The following CNPY3 variants were observed in gnomAD, a reference collection of about 807,000 sequenced individuals.
CNPY3 encodes canopy FGF signaling regulator 3.
Under a neutral mutation model 32.0 loss-of-function variants are expected in CNPY3, and 20 were observed. That is an observed-to-expected ratio of 0.63 (90% CI 0.44 to 0.91). The LOEUF (loss-of-function observed/expected upper bound fraction) is 0.91. Ranked by LOEUF, CNPY3 falls within the 40% of genes least tolerant of loss-of-function variation. CNPY3 has a pLI of 0.00. For missense variants in CNPY3, 299 were observed against 340.8 expected (o/e 0.88, Z 0.97); for synonymous variants, 138 against 142.9 (o/e 0.97, Z 0.24).
Position 42,939,067 on chromosome 6 carries a change from G to A in CNPY3, c.*276G>A, listed in dbSNP as rs1485615112. The A allele has an allele frequency of 8.1e-7, 1 of 1,227,906 alleles. No individual in the cohort carries two copies. Among genetic ancestry groups the A allele is most frequent in the Non-Finnish European group, 1.0e-6 (1 of 981,134 alleles). The allele number at this position is 1,227,906 out of a possible 1,614,324, so 76.1% of individuals were successfully genotyped here. On this transcript the variant is annotated 3_prime_UTR_variant, in exon 6 of 6. Coordinates refer to ENST00000372836, the MANE Select transcript of CNPY3 (RefSeq NM_006586.5). ...CTGCAAGGACTCCAGTGTGAACTCA[G>A]GAGGGGCAGGTGTCAGAACTGGGCA...
upstream of CNPY3, among the ~76,000 whole-genome samples, chr6:42,928,135 G>T (rs1317549786): frequency 6.6e-6 from 1 of 151,750 alleles, no homozygotes; most frequent in East Asian, 1.9e-4. Flanking sequence ...TTACAGGCGT[G>T]TGCCACCACG....
At chr6:42,928,161 G>A (rs1767515659), upstream of CNPY3, among the ~76,000 whole-genome samples, 1 of 151,526 alleles carries the variant, frequency 6.6e-6, no homozygotes, top group Non-Finnish European at 1.5e-5. Flanking sequence ...CTAACTTTTT[G>A]TATCTTTAGT....
At chr6:42,931,152 A>G (rs980792483) in intron 1 of CNPY3, among the ~76,000 whole-genome samples, 1 of 151,516 alleles carries the variant, frequency 6.6e-6, no homozygotes, top group Non-Finnish European at 1.5e-5. Flanking sequence ...GGGCTCCCAC[A>G]GTGCTGGGCT....
intron 1 of CNPY3, among the ~76,000 whole-genome samples, chr6:42,933,205 GC>G (rs1354358573): frequency 1.3e-5 from 2 of 149,836 alleles, no homozygotes; most frequent in African/African-American, 5.1e-5. Flanking sequence ...GGGCAGAGAA[GC>G]CCTTAGAAGG....
At chr6:42,938,273 G>A (rs1768374331) in intron 5 of CNPY3, 66 bp downstream of exon 5, 5 of 1,260,874 alleles carry the variant, frequency 4.0e-6, no homozygotes, top group Non-Finnish European at 3.5e-6. Context: ...TGGGGGAGGT[G>A]GGTAGGAGGA....
chr6:42,929,793 C>T, intron 1 of CNPY3, 72 bp downstream of exon 1: 3 of 1,470,760 alleles, frequency 2.0e-6, no homozygotes, highest in Non-Finnish European at 2.7e-6. Flanking sequence ...TGCGGAGCAG[C>T]GTCGGGGGTT....
chr6:42,935,915 C>T (rs1484349320), intron 3 of CNPY3, among the ~76,000 whole-genome samples: 3 of 151,546 alleles, frequency 2.0e-5, no homozygotes, highest in Non-Finnish European at 2.9e-5. Flanking sequence ...CAGAAATGCT[C>T]CACAGTTGCT....
Position 42,929,794 on chromosome 6 carries a change from G to C in CNPY3, c.151+73G>C, listed in dbSNP as rs530247769. On this transcript the variant is annotated intron_variant, in intron 1 of 5. Transcript: ENST00000372836. ...CCAGCGGTGGTGCTTGCGGAGCAGC[G>C]TCGGGGGTTGCAAGGTTCCGAGCTC... The C allele has an allele frequency of 8.8e-3, 12,946 of 1,467,878 alleles. 65 individuals carry two copies. The highest frequency in any genetic ancestry group is 0.012 in the Middle Eastern group (50 of 4,098). The allele number at this position is 1,467,878 out of a possible 1,614,324, so 90.9% of individuals were successfully genotyped here. A position where few individuals can be genotyped will look rare whatever the true frequency, so the allele number is the denominator to read the frequency against.
intron 2 of CNPY3, chr6:42,935,302 A>T: frequency 2.3e-6 from 1 of 444,246 alleles, no homozygotes; most frequent in Non-Finnish European, 3.0e-6. Flanking sequence ...TACTATCAAA[A>T]TTTAATAATT....
rs778069363 is a variant in CNPY3 at position 42,938,811 on chromosome 6, T to C, written c.*20T>C. On this transcript the variant is annotated 3_prime_UTR_variant, in exon 6 of 6. Transcript: ENST00000372836. ...CTCTGAGCCCACCCAGCATCCTCTG[T>C]CCTGAGACCCCTGATTTTGAAGCTG... 2 of 1,538,504 alleles carry C rather than the reference T, an allele frequency of 1.3e-6. No homozygotes were observed. The highest frequency in any genetic ancestry group is 1.7e-6 in the Non-Finnish European group (2 of 1,142,938).
At chr6:42,929,367 G>A (rs1390203587), upstream of CNPY3, 36 of 596,406 alleles carry the variant, frequency 6.0e-5, no homozygotes, top group Middle Eastern at 1.8e-3. Context: ...ACCCCAGAAA[G>A]CCTATTGGCT....
chr6:42,937,969 G>A, intron 4 of CNPY3, 121 bp from the exon 5 acceptor site: 2 of 1,464,956 alleles, frequency 1.4e-6, no homozygotes, highest in South Asian at 2.4e-5. Context: ...TCTGGCCTCA[G>A]TTTCCTTAGG....
At chr6:42,938,297 C>G (rs1387201384) in intron 5 of CNPY3, 90 bp downstream of exon 5, 12 of 1,002,248 alleles carry the variant, frequency 1.2e-5, no homozygotes, top group Non-Finnish European at 1.8e-5. Flanking sequence ...ACAGAGGGCA[C>G]CAGAGGGCAT....
chr6:42,938,294 G>T (rs571102365), intron 5 of CNPY3, 87 bp downstream of exon 5: 31 of 1,000,664 alleles, frequency 3.1e-5, no homozygotes, highest in Admixed American at 1.0e-4. Context: ...GAAACAGAGG[G>T]CACCAGAGGG....
chr6:42,931,669 T>C (rs1247495459), intron 1 of CNPY3, among the ~76,000 whole-genome samples: 1 of 151,802 alleles, frequency 6.6e-6, no homozygotes, highest in African/African-American at 2.4e-5. Flanking sequence ...CCCAGCTAAC[T>C]GATAGCCTTT....
chr6:42,934,436 C>G, intron 1 of CNPY3, 39 bp from the exon 2 acceptor site: 1 of 1,612,888 alleles, frequency 6.2e-7, no homozygotes, highest in Non-Finnish European at 8.5e-7. Context: ...CCATTAGACT[C>G]ATGTGCACTC....
intron 4 of CNPY3, 27 bp downstream of exon 4, chr6:42,937,866 G>T (rs1768343400): frequency 2.5e-6 from 4 of 1,613,728 alleles, no homozygotes; most frequent in Non-Finnish European, 3.4e-6. Flanking sequence ...CCTTGGAAGG[G>T]TTGCTGTGCC....
chr6:42,933,343 G>A (rs1365615145), intron 1 of CNPY3, among the ~76,000 whole-genome samples: 1 of 152,182 alleles, frequency 6.6e-6, no homozygotes, highest in Non-Finnish European at 1.5e-5. Flanking sequence ...CTGGAAGGGA[G>A]GGGACCTTGT....
rs544576864 is a variant in CNPY3, at chr6:42,938,481, C to T, written c.614-87C>T. 49 of 1,286,456 alleles carry T rather than the reference C, an allele frequency of 3.8e-5. No homozygotes were observed. The East Asian group carries it at 1.2e-3, about 32-fold the overall frequency. The allele number at this position is 1,286,456 out of a possible 1,614,324, so 79.7% of individuals were successfully genotyped here. A position where few individuals can be genotyped will look rare whatever the true frequency, so the allele number is the denominator to read the frequency against. On this transcript the variant is annotated intron_variant, in intron 5 of 5. Coordinates refer to ENST00000372836, the MANE Select transcript of CNPY3 (RefSeq NM_006586.5). ...ATGTCAAGCACAGTCCCAGTTGCTA[C>T]TCCCACGGCTCCCTGCTCAGTGCTC...
Sources: allele counts gnomAD v4.1 joint callset (sites outside exome capture counted in the v4.1 genomes callset), GRCh38; gene constraint gnomAD v4.1.1; transcripts MANE v1.5; gene names NCBI Gene and HGNC (gene_info 2026-07-23, HGNC 2026-07-21).